Variants in PPP6R3 observed in about 807,000 individuals in gnomAD.
PPP6R3 encodes serine/threonine-protein phosphatase 6 regulatory subunit 3.
Under a neutral mutation model 110.7 loss-of-function variants are expected in PPP6R3, and 38 were observed. The observed-to-expected ratio is 0.34, with a 90% CI of 0.26 to 0.45. PPP6R3 has a LOEUF of 0.45. Among genes scored for constraint, PPP6R3 ranks in the 20% least tolerant of loss-of-function variants. PPP6R3 has a pLI of 1.00. For missense variants in PPP6R3, 870 were observed against 1,062.4 expected (o/e 0.82, Z 2.52); for synonymous variants, 369 against 373.5 (o/e 0.99, Z 0.14).
intron 8 of PPP6R3, among the ~76,000 whole-genome samples, chr11:68,560,735 G>A (rs1351048242): frequency 6.6e-6 from 1 of 152,078 alleles, no homozygotes; most frequent in South Asian, 2.1e-4. Flanking sequence ...GGGAACAAAA[G>A]CTATATTTGT....
chr11:68,588,581 C>T (rs559421540), intron 16 of PPP6R3, among the ~76,000 whole-genome samples: 4 of 151,968 alleles, frequency 2.6e-5, no homozygotes, highest in South Asian at 2.1e-4. Flanking sequence ...CCTCAGCCTC[C>T]TTAGTAGCTG....
intron 14 of PPP6R3, among the ~76,000 whole-genome samples, chr11:68,581,278 T>C (rs889617321): frequency 1.3e-5 from 2 of 152,220 alleles, no homozygotes; most frequent in African/African-American, 4.8e-5. Context: ...AAGTAGAACA[T>C]GCGAAGGGGA....
At chr11:68,587,794 T>C in intron 15 of PPP6R3, 133 bp from the exon 16 acceptor site, 1 of 831,492 alleles carries the variant, frequency 1.2e-6, no homozygotes, top group Non-Finnish European at 2.0e-6. Flanking sequence ...GATTTTTCTT[T>C]TAGAAAAACA....
intron 1 of PPP6R3, among the ~76,000 whole-genome samples, chr11:68,464,293 G>A (rs905328894): frequency 6.6e-6 from 1 of 152,078 alleles, no homozygotes; most frequent in Non-Finnish European, 1.5e-5. Context: ...CACCATGCCC[G>A]GCTGTTTTTT....
chr11:68,599,094 G>A (rs376160287), intron 19 of PPP6R3, among the ~76,000 whole-genome samples: 46 of 152,252 alleles, frequency 3.0e-4, no homozygotes, highest in African/African-American at 1.1e-3. Flanking sequence ...TATTCTACAC[G>A]GGTACTTCTT....
rs1051246100 is a variant in PPP6R3, at chr11:68,589,306, A to G, written c.1730+1282A>G. On this transcript the variant is annotated intron_variant, in intron 16 of 23. Coordinates refer to ENST00000393800, the MANE Select transcript of PPP6R3 (RefSeq NM_001164161.2). ...CAGCAGATGACCAGGTTGGCAGGAA[A>G]AGCTCTGCCCTACATGTATTCTCAT... 3.3e-5 allele frequency among the ~76,000 whole-genome samples: 5 copies of G among 152,122 alleles called. No individual in the cohort carries two copies. In the South Asian group the frequency reaches 8.3e-4, roughly 25 times the overall value.
At position 68,599,963 on chromosome 11, in the gene PPP6R3, A is replaced by G. The variant is rs191681815; in HGVS notation, c.2039-378A>G. 8.1e-3 allele frequency among the ~76,000 whole-genome samples: 1,238 copies of G among 152,324 alleles called. 17 individuals carry two copies. The highest frequency in any genetic ancestry group is 0.028 in the African/African-American group (1,175 of 41,566). On this transcript the variant is annotated intron_variant, in intron 19 of 23. Coordinates refer to ENST00000393800, the MANE Select transcript of PPP6R3 (RefSeq NM_001164161.2). ...ACAGTGAAACCTGTCTCTACTAAAA[A>G]TACAAAAAATTAGCCAGGCGTGATG...
chr11:68,482,852 AAATAT>A (rs1209870469), intron 1 of PPP6R3, among the ~76,000 whole-genome samples: 7 of 151,872 alleles, frequency 4.6e-5, no homozygotes, highest in Admixed American at 3.9e-4. Flanking sequence ...TGTTTTATAT[AAATAT>A]AATAGCACCA....
At chr11:68,585,027 C>T (rs926941773) in intron 15 of PPP6R3, among the ~76,000 whole-genome samples, 1 of 152,186 alleles carries the variant, frequency 6.6e-6, no homozygotes, top group African/African-American at 2.4e-5. Context: ...TTCTCATTCA[C>T]GTTTGAGGTT....
chr11:68,554,045 G>A, intron 6 of PPP6R3, 100 bp from the exon 7 acceptor site: 2 of 881,000 alleles, frequency 2.3e-6, no homozygotes, highest in Non-Finnish European at 1.7e-6. Flanking sequence ...TATGGCCAGT[G>A]TTAATTTGTT....
At chr11:68,551,309 G>C (rs112044592) in intron 6 of PPP6R3, 123 bp downstream of exon 6, 8 of 703,254 alleles carry the variant, frequency 1.1e-5, no homozygotes, top group African/African-American at 3.6e-5. Context: ...GAATAGCAGC[G>C]ATCTAGTGTT....
At chr11:68,508,550 C>A (rs1368994187) in intron 1 of PPP6R3, among the ~76,000 whole-genome samples, 6 of 152,086 alleles carry the variant, frequency 3.9e-5, no homozygotes. Context: ...TTGCACAGTG[C>A]CAGCGCAAAA....
At chr11:68,547,026 G>A (rs970442892) in intron 4 of PPP6R3, among the ~76,000 whole-genome samples, 1 of 152,208 alleles carries the variant, frequency 6.6e-6, no homozygotes, top group African/African-American at 2.4e-5. Context: ...GAGAAGCAAT[G>A]TGTGTTGGTT....
intron 14 of PPP6R3, among the ~76,000 whole-genome samples, chr11:68,582,586 T>G (rs760865245): frequency 1.4e-4 from 21 of 152,240 alleles, no homozygotes; most frequent in Admixed American, 2.6e-4. Flanking sequence ...GAATTTGAAA[T>G]GGTTATATTT....
intron 7 of PPP6R3, among the ~76,000 whole-genome samples, chr11:68,557,442 T>TGAGCAACCAAGGACA (rs1254781892): frequency 6.6e-6 from 1 of 152,320 alleles, no homozygotes; most frequent in African/African-American, 2.4e-5. Context: ...AGGTGTCAGG[T>TGAGCAACCAAGGACA]GAGCAACCAA....
intron 7 of PPP6R3, among the ~76,000 whole-genome samples, chr11:68,556,249 T>C (rs1039277950): frequency 6.6e-6 from 1 of 152,094 alleles, no homozygotes; most frequent in African/African-American, 2.4e-5. Flanking sequence ...TGGAAAAATT[T>C]GAAATGAGCT....
At chr11:68,605,835 C>T (rs1418217217) in intron 22 of PPP6R3, among the ~76,000 whole-genome samples, 2 of 152,142 alleles carry the variant, frequency 1.3e-5, no homozygotes, top group African/African-American at 4.8e-5. Context: ...GTAAATGGGA[C>T]CTGTCAGTTA....
At chr11:68,518,329 C>A (rs2099147107) in intron 1 of PPP6R3, among the ~76,000 whole-genome samples, 1 of 152,132 alleles carries the variant, frequency 6.6e-6, no homozygotes, top group South Asian at 2.1e-4. Flanking sequence ...CCAGGAGAAA[C>A]AAAGCTTCAT....
At chr11:68,539,050 G>A (rs1374213810) in intron 3 of PPP6R3, among the ~76,000 whole-genome samples, 2 of 152,188 alleles carry the variant, frequency 1.3e-5, no homozygotes, top group Non-Finnish European at 2.9e-5. Flanking sequence ...AGCCCGGGAG[G>A]CCGTGACAGA....
Sources: gnomAD v4.1 joint callset for allele counts (sites outside exome capture counted in the v4.1 genomes callset) on GRCh38, gnomAD v4.1.1 for gene constraint, MANE v1.5 for transcripts, NCBI Gene and HGNC (gene_info 2026-07-23, HGNC 2026-07-21) for gene names.